Variants in SYNDIG1 observed in about 807,000 individuals in gnomAD.
SYNDIG1 encodes the protein synapse differentiation-inducing gene protein 1.
Under a neutral mutation model 19.4 loss-of-function variants are expected in SYNDIG1, and 9 were observed. The observed-to-expected ratio is 0.46, with a 90% confidence interval of 0.28 to 0.81. The LOEUF is 0.81. Ranked by LOEUF, SYNDIG1 falls within the 30% of genes least tolerant of loss-of-function variation. The probability of loss-of-function intolerance (pLI) is 0.12; values close to 1 mark genes in which losing one functional copy is unlikely to be tolerated. For synonymous variants in SYNDIG1, 141 were observed against 145.9 expected (o/e 0.97, Z 0.24); for missense variants, 311 against 343.3 (o/e 0.91, Z 0.74).
intron 3 of SYNDIG1, among the ~76,000 whole-genome samples, chr20:24,585,463 A>G (rs940962338): frequency 3.9e-5 from 6 of 152,164 alleles, no homozygotes; most frequent in Admixed American, 6.5e-5. Flanking sequence ...GTTCCACAGC[A>G]GCCCCCATGT....
intron 3 of SYNDIG1, among the ~76,000 whole-genome samples, chr20:24,638,256 C>T (rs572263079): frequency 2.4e-4 from 36 of 152,184 alleles, no homozygotes; most frequent in South Asian, 2.1e-4. Flanking sequence ...GGTGCAAAAT[C>T]GGATTTTTTA....
At chr20:24,493,661 T>C (rs1305648329) in intron 1 of SYNDIG1, among the ~76,000 whole-genome samples, 1 of 152,258 alleles carries the variant, frequency 6.6e-6, no homozygotes, top group African/African-American at 2.4e-5. Context: ...GCCTGAAATC[T>C]AGCACCTAGA....
chr20:24,578,147 G>C (rs1336383244), intron 2 of SYNDIG1, among the ~76,000 whole-genome samples: 1 of 152,216 alleles, frequency 6.6e-6, no homozygotes, highest in Admixed American at 6.5e-5. Context: ...CTGGTGCTTA[G>C]AGGAAGGGAG....
intron 1 of SYNDIG1, among the ~76,000 whole-genome samples, chr20:24,475,174 C>G (rs950438680): frequency 5.9e-5 from 9 of 152,196 alleles, no homozygotes; most frequent in Non-Finnish European, 1.0e-4. Flanking sequence ...GTCTGAGATG[C>G]AGGAGTTTAT....
At chr20:24,549,147 G>A (rs987555434) in intron 2 of SYNDIG1, among the ~76,000 whole-genome samples, 2 of 152,028 alleles carry the variant, frequency 1.3e-5, no homozygotes, top group African/African-American at 4.8e-5. Flanking sequence ...CTACAGTGCT[G>A]TAGAACACTG....
intron 1 of SYNDIG1, chr20:24,502,326 C>T (rs2056474967): frequency 6.6e-6 from 1 of 152,256 alleles, no homozygotes; most frequent in Non-Finnish European, 1.5e-5. Flanking sequence ...TCTGCTTTCT[C>T]CCCATCACTA....
chr20:24,588,586 A>C (rs567536386), intron 3 of SYNDIG1, among the ~76,000 whole-genome samples: 2 of 152,246 alleles, frequency 1.3e-5, no homozygotes, highest in South Asian at 4.1e-4. Context: ...CCAGCTCCTC[A>C]TGGATGCTGC....
intron 1 of SYNDIG1, chr20:24,491,377 G>C (rs1228343289): frequency 6.6e-6 from 1 of 152,248 alleles, no homozygotes; most frequent in Non-Finnish European, 1.5e-5. Context: ...TCCGAACAAC[G>C]CCAATTCACT....
intron 3 of SYNDIG1, 99 bp from the exon 4 acceptor site, chr20:24,665,247 A>T: frequency 7.0e-7 from 1 of 1,423,420 alleles, no homozygotes; most frequent in Admixed American, 2.3e-5. Flanking sequence ...CTGCATCAAC[A>T]ATGCCTTTTT....
chr20:24,591,079 CGTGT>C (rs55725848), intron 3 of SYNDIG1, among the ~76,000 whole-genome samples: 48,662 of 149,032 alleles, frequency 0.33, 8,056 homozygotes, highest in Admixed American at 0.42. Flanking sequence ...TTTACACCTT[CGTGT>C]GTGTGTGTGT....
chr20:24,665,535 G>T lies in SYNDIG1; in HGVS notation c.*31G>T, dbSNP rs749487919. 1 of 1,613,396 alleles carries T rather than the reference G, an allele frequency of 6.2e-7. No individual in the cohort carries two copies. Among genetic ancestry groups the T allele is most frequent in the East Asian group, 2.2e-5 (1 of 44,866 alleles). ...CTGCGAATGGAGGGGGAGCACCCGG[G>T]GCCAGGTCTGTGTGGACGTGGAGGA... On this transcript the variant is annotated 3_prime_UTR_variant, in exon 4 of 4. Coordinates refer to ENST00000376862, the MANE Select transcript of SYNDIG1 (RefSeq NM_024893.3).
intron 2 of SYNDIG1, among the ~76,000 whole-genome samples, chr20:24,560,748 A>G (rs911948420): frequency 1.1e-5 from 1 of 95,038 alleles, no homozygotes; most frequent in African/African-American, 4.3e-5. Flanking sequence ...TCCTGTTTCT[A>G]TACCTGGCTA....
chr20:24,577,843 T>C (rs2058254937), intron 2 of SYNDIG1, among the ~76,000 whole-genome samples: 1 of 152,070 alleles, frequency 6.6e-6, no homozygotes, highest in African/African-American at 2.4e-5. Flanking sequence ...CTGGAGAGCA[T>C]AGGAAGGCAT....
chr20:24,536,652 CTG>C, intron 1 of SYNDIG1, among the ~76,000 whole-genome samples: 2 of 152,256 alleles, frequency 1.3e-5, no homozygotes, highest in Non-Finnish European at 1.5e-5. Flanking sequence ...GGAGAAGTGT[CTG>C]TACCTGAGAG....
At chr20:24,498,520 G>A (rs952179354) in intron 1 of SYNDIG1, among the ~76,000 whole-genome samples, 1 of 152,048 alleles carries the variant, frequency 6.6e-6, no homozygotes, top group African/African-American at 2.4e-5. Context: ...CCCATCTCCC[G>A]TTCCCTGCCT....
chr20:24,478,837 C>A (rs924641632), intron 1 of SYNDIG1, among the ~76,000 whole-genome samples: 4 of 152,210 alleles, frequency 2.6e-5, no homozygotes, highest in African/African-American at 9.7e-5. Context: ...AACTCACAGG[C>A]AGGCAGAGGG....
chr20:24,661,177 C>A (rs2059581489), intron 3 of SYNDIG1, among the ~76,000 whole-genome samples: 1 of 151,994 alleles, frequency 6.6e-6, no homozygotes, highest in Admixed American at 6.5e-5. Context: ...GCAAAGGCTG[C>A]TGGGGGTGGG....
chr20:24,514,438 A>G (rs1568600986), intron 1 of SYNDIG1, among the ~76,000 whole-genome samples: 1 of 152,196 alleles, frequency 6.6e-6, no homozygotes, highest in Non-Finnish European at 1.5e-5. Context: ...AGATCCACCA[A>G]GCAAATGGAA....
intron 1 of SYNDIG1, among the ~76,000 whole-genome samples, chr20:24,537,059 T>A (rs746969188): frequency 1.3e-5 from 2 of 152,152 alleles, no homozygotes; most frequent in Non-Finnish European, 2.9e-5. Flanking sequence ...TCTATGATGA[T>A]CACATCCCAC....
Sources: gnomAD v4.1 joint callset for allele counts (sites outside exome capture counted in the v4.1 genomes callset) on GRCh38, gnomAD v4.1.1 for gene constraint, MANE v1.5 for transcripts, NCBI Gene and HGNC (gene_info 2026-07-23, HGNC 2026-07-21) for gene names.